The following ITSN1 variants were observed in gnomAD, a reference collection of about 807,000 sequenced individuals.
ITSN1 encodes the protein intersectin-1.
ITSN1 carries 58 observed loss-of-function variants against 239.8 expected under a neutral mutation model. The ratio of observed to expected loss-of-function variants is 0.24; its 90% CI spans 0.20 to 0.30. The LOEUF (loss-of-function observed/expected upper bound fraction) is 0.30. ITSN1 is among the 10% of genes least tolerant of loss of function. ITSN1 has a pLI of 1.00. For synonymous variants in ITSN1, 780 were observed against 770.8 expected (o/e 1.01, Z -0.20); for missense variants, 1,558 against 2,103.3 (o/e 0.74, Z 5.07).
chr21:33,814,893 G>A (rs111362599), intron 22 of ITSN1, among the ~76,000 whole-genome samples: 4 of 152,266 alleles, frequency 2.6e-5, no homozygotes, highest in East Asian at 1.9e-4. Context: ...CAGAAGAGGC[G>A]AGCACGTGGG....
At chr21:33,661,144 G>A (rs749868364) in intron 1 of ITSN1, among the ~76,000 whole-genome samples, 3 of 152,020 alleles carry the variant, frequency 2.0e-5, no homozygotes, top group African/African-American at 7.3e-5. Flanking sequence ...GCAGCATCAG[G>A]CTTGCTTTAT....
rs907029208 is a variant in ITSN1 at position 33,657,017 on chromosome 21, G to A, written c.-33+14304G>A. 6.6e-5 allele frequency among the ~76,000 whole-genome samples: 10 copies of A among 152,088 alleles called. No homozygotes were observed. The East Asian group carries it at 1.2e-3, about 18-fold the overall frequency. ...ATTACAGGCGTGAGCCACCATGTCC[G>A]GCCTTTTTTAATTTTTTTATTTTAA... On this transcript the variant is annotated intron_variant, in intron 1 of 39. Transcript: ENST00000381318.
intron 29 of ITSN1, among the ~76,000 whole-genome samples, chr21:33,840,741 AC>A (rs1243163783): frequency 6.6e-6 from 1 of 152,122 alleles, no homozygotes; most frequent in African/African-American, 2.4e-5. Flanking sequence ...CAGGTGATCC[AC>A]CCACCTCGGC....
chr21:33,832,779 T>C (rs2074371292), intron 27 of ITSN1, among the ~76,000 whole-genome samples: 1 of 152,220 alleles, frequency 6.6e-6, no homozygotes, highest in Non-Finnish European at 1.5e-5. Flanking sequence ...AAACCTGCTC[T>C]GTGTTCTGAA....
At chr21:33,720,261 C>T (rs1366014180) in intron 2 of ITSN1, among the ~76,000 whole-genome samples, 3 of 152,224 alleles carry the variant, frequency 2.0e-5, no homozygotes, top group African/African-American at 7.2e-5. Flanking sequence ...AGTGTCATCC[C>T]AGACCCGGTA....
At chr21:33,741,305 A>G (rs2066834136) in intron 5 of ITSN1, among the ~76,000 whole-genome samples, 1 of 152,242 alleles carries the variant, frequency 6.6e-6, no homozygotes, top group Non-Finnish European at 1.5e-5. Context: ...ATAGTTATCA[A>G]AAGAACCAAA....
chr21:33,833,853 C>G (rs1288891220), intron 27 of ITSN1, among the ~76,000 whole-genome samples: 1 of 138,786 alleles, frequency 7.2e-6, no homozygotes, highest in Non-Finnish European at 1.5e-5. Context: ...GCCGGGGTGA[C>G]AGAGCGAGAC....
intron 9 of ITSN1, 79 bp from the exon 10 acceptor site, chr21:33,765,796 T>A: frequency 6.7e-7 from 1 of 1,501,048 alleles, no homozygotes; most frequent in Non-Finnish European, 9.2e-7. Context: ...TAAGAAAACA[T>A]AACTTTTAAA....
intron 27 of ITSN1, among the ~76,000 whole-genome samples, chr21:33,833,346 C>G (rs1482888778): frequency 6.6e-6 from 1 of 152,108 alleles, no homozygotes; most frequent in Non-Finnish European, 1.5e-5. Context: ...GTGAAAGTAA[C>G]ATTGAGTCTC....
At chr21:33,833,871 CAAAAA>C (rs923200436) in intron 27 of ITSN1, among the ~76,000 whole-genome samples, 2 of 61,222 alleles carry the variant, frequency 3.3e-5, no homozygotes, top group African/African-American at 1.0e-4. Context: ...GACTCCGTCT[CAAAAA>C]AAAAAAAAAA....
chr21:33,649,161 G>A (rs942531127), intron 1 of ITSN1, among the ~76,000 whole-genome samples: 2 of 152,168 alleles, frequency 1.3e-5, no homozygotes, highest in Non-Finnish European at 2.9e-5. Context: ...CCATGTTGGC[G>A]AGTTTGGAGA....
intron 1 of ITSN1, among the ~76,000 whole-genome samples, chr21:33,671,411 G>A (rs546106246): frequency 4.6e-5 from 7 of 151,730 alleles, no homozygotes; most frequent in East Asian, 2.0e-4. Context: ...CTCAGCCTCC[G>A]GAGTAGCTGG....
chr21:33,795,652 A>C (rs1401475582), intron 17 of ITSN1, among the ~76,000 whole-genome samples: 1 of 152,062 alleles, frequency 6.6e-6, no homozygotes. Flanking sequence ...CTTGGGGGTC[A>C]GACTAAGGAT....
chr21:33,861,890 G>T (rs1056043140), intron 31 of ITSN1, among the ~76,000 whole-genome samples: 1 of 150,644 alleles, frequency 6.6e-6, no homozygotes, highest in African/African-American at 2.4e-5. Context: ...AGTTTGCAGT[G>T]AGCTGAGATC....
At chr21:33,873,997 A>G (rs993747797) in intron 33 of ITSN1, among the ~76,000 whole-genome samples, 1 of 151,688 alleles carries the variant, frequency 6.6e-6, no homozygotes, top group Non-Finnish European at 1.5e-5. Flanking sequence ...CCCCATCTCT[A>G]CTAAAAATAC....
At chr21:33,663,533 GGAT>G (rs2146288224) in intron 1 of ITSN1, among the ~76,000 whole-genome samples, 1 of 152,320 alleles carries the variant, frequency 6.6e-6, no homozygotes, top group African/African-American at 2.4e-5. Context: ...ATCTGAATCA[GGAT>G]GATAAAATGA....
At chr21:33,710,076 T>G (rs562760027) in intron 1 of ITSN1, among the ~76,000 whole-genome samples, 2 of 151,298 alleles carry the variant, frequency 1.3e-5, no homozygotes, top group African/African-American at 2.4e-5. Context: ...GAGGCATTTT[T>G]TTTTGTTTTT....
intron 5 of ITSN1, among the ~76,000 whole-genome samples, chr21:33,736,099 C>T (rs1007466479): frequency 6.6e-6 from 1 of 152,174 alleles, no homozygotes; most frequent in East Asian, 1.9e-4. Flanking sequence ...GATTTCTGTT[C>T]TCATTCTAGA....
At chr21:33,881,796 A>AGTAG (rs951314948) in intron 34 of ITSN1, among the ~76,000 whole-genome samples, 2 of 152,062 alleles carry the variant, frequency 1.3e-5, no homozygotes, top group Non-Finnish European at 2.9e-5. Flanking sequence ...GCCTGGGCAA[A>AGTAG]GTAGGGAGAC....
Sources: allele counts gnomAD v4.1 joint callset (sites outside exome capture counted in the v4.1 genomes callset), GRCh38; gene constraint gnomAD v4.1.1; transcripts MANE v1.5; gene names NCBI Gene and HGNC (gene_info 2026-07-23, HGNC 2026-07-21).